The following PELI1 variants were observed in gnomAD, a reference collection of about 807,000 sequenced individuals.
PELI1 encodes the protein E3 ubiquitin-protein ligase pellino homolog 1.
Under a neutral mutation model 41.3 loss-of-function variants are expected in PELI1, and 15 were observed. That is an observed-to-expected ratio of 0.36 (90% CI 0.24 to 0.56). PELI1 has a LOEUF of 0.56. Among genes scored for constraint, PELI1 ranks in the 20% least tolerant of loss-of-function variants. The probability of loss-of-function intolerance (pLI) is 0.82; values close to 1 mark genes in which losing one functional copy is unlikely to be tolerated. For synonymous variants in PELI1, 178 were observed against 180.1 expected (o/e 0.99, Z 0.09); for missense variants, 403 against 525.5 (o/e 0.77, Z 2.28).
chr2:64,104,540 A>C, intron 3 of PELI1, 161 bp downstream of exon 3: 1 of 1,109,370 alleles, frequency 9.0e-7, no homozygotes, highest in Non-Finnish European at 1.2e-6. Context: ...TCCATATGGC[A>C]GCTCTTCAAA....
chr2:64,096,051 T>C lies in PELI1; in HGVS notation c.690+74A>G, dbSNP rs1441894145. 3 of 985,146 alleles carry C rather than the reference T, an allele frequency of 3.0e-6. No individual in the cohort carries two copies. In the African/African-American group the frequency reaches 4.8e-5, roughly 16 times the overall value. 61.0% of individuals were successfully genotyped at this position (985,146 alleles called of 1,614,324 possible). A position where few individuals can be genotyped will look rare whatever the true frequency, so the allele number is the denominator to read the frequency against. On this transcript the variant is annotated intron_variant, in intron 6 of 6. Transcript: ENST00000358912. The stretch of plus-strand genomic sequence containing the variant: ...ATAGATTTAAGAGTTTTCTGGAATG[T>C]ATGTAATGCATTCAGTTCTACTCAT...
chr2:64,094,574 G>GT lies in PELI1; in HGVS notation c.*127dup. Reference sequence around the variant, plus strand: ...GAAATTGCTACTATTTATTATAAATGTTTTAAAAAATTCTTCATCTTAATG... The same window carrying GT: ...GAAATTGCTACTATTTATTATAAATGTTTTTAAAAAATTCTTCATCTTAATG... On this transcript the variant is annotated 3_prime_UTR_variant, in exon 7 of 7. Transcript: ENST00000358912. 1 of 577,212 alleles carries GT rather than the reference G, an allele frequency of 1.7e-6. No individual in the cohort carries two copies. The allele number at this position is 577,212 out of a possible 1,614,324, so 35.8% of individuals were successfully genotyped here.
At chr2:64,129,055 T>A (rs758604915) in intron 1 of PELI1, among the ~76,000 whole-genome samples, 1 of 152,208 alleles carries the variant, frequency 6.6e-6, no homozygotes, top group African/African-American at 2.4e-5. Flanking sequence ...AAGCTTCTTA[T>A]TCATTCCAGC....
chr2:64,136,454 C>T (rs1681720188), intron 1 of PELI1, among the ~76,000 whole-genome samples: 2 of 152,114 alleles, frequency 1.3e-5, no homozygotes, highest in Admixed American at 1.3e-4. Context: ...AACTAGATTC[C>T]TAACAATTTA....
At chr2:64,101,824 ATT>A (rs34370706) in intron 3 of PELI1, among the ~76,000 whole-genome samples, 2,381 of 121,020 alleles carry the variant, frequency 0.02, 22 homozygotes, top group Non-Finnish European at 0.031. Context: ...TTTGCTTCTG[ATT>A]TTTTTTTTTT....
At chr2:64,132,824 G>A (rs138129740) in intron 1 of PELI1, among the ~76,000 whole-genome samples, 51 of 152,288 alleles carry the variant, frequency 3.3e-4, no homozygotes, top group Admixed American at 9.2e-4. Context: ...ATGGCCTATA[G>A]CAGTAGCACA....
intron 1 of PELI1, among the ~76,000 whole-genome samples, chr2:64,141,542 G>A (rs923175185): frequency 1.3e-5 from 2 of 152,070 alleles, no homozygotes; most frequent in African/African-American, 2.4e-5. Flanking sequence ...AGAAGCTTCT[G>A]CCTAAAAACA....
At chr2:64,116,968 T>C (rs931448645) in intron 1 of PELI1, among the ~76,000 whole-genome samples, 1 of 152,228 alleles carries the variant, frequency 6.6e-6, no homozygotes, top group Non-Finnish European at 1.5e-5. Flanking sequence ...TGATCTTTGA[T>C]GTTACTGTTA....
Position 64,093,903 on chromosome 2 carries a change from G to C in PELI1, c.*799C>G, listed in dbSNP as rs1383309882. 1 of 152,492 alleles carries C rather than the reference G, an allele frequency of 6.6e-6. No individual in the cohort carries two copies. The highest frequency in any genetic ancestry group is 1.9e-4 in the East Asian group (1 of 5,206). 9.4% of individuals were successfully genotyped at this position (152,492 alleles called of 1,614,324 possible). On this transcript the variant is annotated 3_prime_UTR_variant, in exon 7 of 7. Transcript: ENST00000358912. ...ACTAAAAACAGATTAGTTATCATGGGAGAAAAATAGATAATCTAGATTAAA... is the reference window on the plus strand; with the variant it reads ...ACTAAAAACAGATTAGTTATCATGGCAGAAAAATAGATAATCTAGATTAAA...
intron 3 of PELI1, among the ~76,000 whole-genome samples, chr2:64,104,234 C>T (rs148595467): frequency 2.1e-3 from 313 of 152,260 alleles, no homozygotes; most frequent in African/African-American, 7.1e-3. Flanking sequence ...TGAATACAAC[C>T]AATACAAAGA....
At chr2:64,134,128 ACT>A (rs1164920953) in intron 1 of PELI1, among the ~76,000 whole-genome samples, 2 of 152,096 alleles carry the variant, frequency 1.3e-5, no homozygotes. Context: ...CAGTTCTGAA[ACT>A]CAGCAAATCC....
Position 64,100,414 on chromosome 2 carries a change from T to C in PELI1, c.287A>G (p.Asn96Ser), listed in dbSNP as rs1261592981. Residue 96 changes from asparagine to serine, a missense_variant, in exon 4 of 7, where the codon AAC (asparagine) becomes AGC (serine). Transcript: ENST00000358912. ...TTGTAATACCTGAAACATATCGGTG[T>C]TGCTGTCATGAGTATATTCAACCAC... ...TVVVEYTHDS[N>S]TDMFQIGRST... 3.3e-6 allele frequency: 5 copies of C among 1,519,492 alleles called. No individual in the cohort carries two copies. In the Admixed American group the frequency reaches 5.0e-5, roughly 15 times the overall value. 94.1% of individuals were successfully genotyped at this position (1,519,492 alleles called of 1,614,324 possible).
At chr2:64,140,265 T>C (rs1454200421) in intron 1 of PELI1, among the ~76,000 whole-genome samples, 2 of 152,210 alleles carry the variant, frequency 1.3e-5, no homozygotes, top group Non-Finnish European at 1.5e-5. Context: ...GAAGATTAAC[T>C]GGAGGATGAA....
chr2:64,112,017 G>A (rs145456323), intron 1 of PELI1, among the ~76,000 whole-genome samples: 59 of 151,996 alleles, frequency 3.9e-4, no homozygotes, highest in Admixed American at 9.8e-4. Flanking sequence ...TTTTAATAAC[G>A]TTGCTTTGTT....
chr2:64,125,100 C>T (rs1323856973), intron 1 of PELI1, among the ~76,000 whole-genome samples: 5 of 124,616 alleles, frequency 4.0e-5, no homozygotes, highest in Admixed American at 8.4e-5. Flanking sequence ...GGCGGGGGCG[C>T]GGGGAGGGTA....
chr2:64,142,440 T>C (rs1293958073), intron 1 of PELI1, among the ~76,000 whole-genome samples: 1 of 152,212 alleles, frequency 6.6e-6, no homozygotes, highest in Non-Finnish European at 1.5e-5. Context: ...ACAGTTCTGA[T>C]TATTATTTAC....
chr2:64,136,189 T>C (rs1176213296), intron 1 of PELI1, among the ~76,000 whole-genome samples: 1 of 151,856 alleles, frequency 6.6e-6, no homozygotes. Flanking sequence ...GAAAAACCAC[T>C]GCCACTTTTT....
At chr2:64,110,881 G>A (rs1018479290) in intron 1 of PELI1, among the ~76,000 whole-genome samples, 8 of 151,628 alleles carry the variant, frequency 5.3e-5, no homozygotes, top group African/African-American at 1.7e-4. Flanking sequence ...AACCCAGATC[G>A]CACCACTGCA....
intron 1 of PELI1, among the ~76,000 whole-genome samples, chr2:64,122,503 T>C (rs181878108): frequency 1.3e-5 from 2 of 152,288 alleles, no homozygotes; most frequent in African/African-American, 2.4e-5. Flanking sequence ...GAGAACGTCC[T>C]GCTTCTTTAA....
Sources: allele counts gnomAD v4.1 joint callset (sites outside exome capture counted in the v4.1 genomes callset), GRCh38; gene constraint gnomAD v4.1.1; transcripts MANE v1.5; gene names NCBI Gene and HGNC (gene_info 2026-07-23, HGNC 2026-07-21).